The following TRAPPC9 variants were observed in gnomAD, a reference collection of about 807,000 sequenced individuals.
TRAPPC9 encodes IKK2 binding protein.
Under a neutral mutation model 124.0 loss-of-function variants are expected in TRAPPC9, and 83 were observed. The ratio of observed to expected loss-of-function variants is 0.67; its 90% CI spans 0.56 to 0.80. TRAPPC9 has a LOEUF of 0.80. TRAPPC9 is among the 30% of genes least tolerant of loss of function. The probability of loss-of-function intolerance (pLI) is 0.00; values close to 1 mark genes in which losing one functional copy is unlikely to be tolerated. For missense variants in TRAPPC9, 1,302 were observed against 1,508.3 expected, an observed-to-expected ratio of 0.86 and a Z score of 2.27; for synonymous variants, 638 against 617.5, an observed-to-expected ratio of 1.03 and a Z score of -0.49.
chr8:139,762,159 C>T (rs1820279419), intron 21 of TRAPPC9, among the ~76,000 whole-genome samples: 2 of 151,758 alleles, frequency 1.3e-5, no homozygotes, highest in South Asian at 4.2e-4. Flanking sequence ...AGAAGGCCAG[C>T]TTTCAGCAGC....
At chr8:140,338,029 TA>T (rs989797284) in intron 9 of TRAPPC9, among the ~76,000 whole-genome samples, 25 of 152,194 alleles carry the variant, frequency 1.6e-4, no homozygotes, top group African/African-American at 6.0e-4. Context: ...TATTTTATTT[TA>T]TACCAAGGAA....
rs775725387 is a variant in TRAPPC9 at position 140,360,075 on chromosome 8, G to C, written c.1470C>G (p.Thr490=). 6.2e-7 allele frequency: 1 copy of C among 1,614,206 alleles called. No homozygotes were observed. The highest frequency in any genetic ancestry group is 8.5e-7 in the Non-Finnish European group (1 of 1,180,044). The stretch of plus-strand genomic sequence containing the variant: ...CCTGATCCGACAAGAAGTCCAGCAT[G>C]GTCTGTAGAAGGAAGGACAGGTGTC... ...SVRHLSFLLQ[T]MLDFLSDQEK... Residue 490 remains threonine, a synonymous_variant, in exon 9 of 23, where the codon ACC becomes ACG. Transcript: ENST00000438773.
At chr8:140,134,756 A>G (rs1306902834) in intron 17 of TRAPPC9, among the ~76,000 whole-genome samples, 3 of 152,260 alleles carry the variant, frequency 2.0e-5, no homozygotes, top group African/African-American at 4.8e-5. Context: ...AGAAAAACAA[A>G]TAAATCTTCA....
Position 139,961,230 on chromosome 8 carries a change from C to T in TRAPPC9, c.2810+27496G>A. 1.6e-5 allele frequency among the ~76,000 whole-genome samples: 2 copies of T among 124,874 alleles called. 1 individual carries two copies. The allele number at this position is 124,874 out of a possible 152,430, so 81.9% of individuals were successfully genotyped here. A position where few individuals can be genotyped will look rare whatever the true frequency, so the allele number is the denominator to read the frequency against. ...TACACAGAGCAGGGATAGCTGTGAG[C>T]ACACAGGCTCTGGTTCAAGGGCCTT... On this transcript the variant is annotated intron_variant, in intron 19 of 22. Transcript: ENST00000438773.
At chr8:139,970,451 G>A (rs1297864757) in intron 19 of TRAPPC9, among the ~76,000 whole-genome samples, 1 of 152,190 alleles carries the variant, frequency 6.6e-6, no homozygotes, top group Non-Finnish European at 1.5e-5. Context: ...GGGTACAAGG[G>A]AAGGCAGGAG....
At chr8:140,231,873 T>C (rs1480439488) in intron 16 of TRAPPC9, among the ~76,000 whole-genome samples, 4 of 152,224 alleles carry the variant, frequency 2.6e-5, no homozygotes, top group Non-Finnish European at 5.9e-5. Context: ...CACAGAAAAG[T>C]CTTCCCAGCC....
intron 5 of TRAPPC9, among the ~76,000 whole-genome samples, chr8:140,424,640 CAAA>C (rs60819949): frequency 7.8e-5 from 5 of 64,256 alleles, no homozygotes; most frequent in Non-Finnish European, 1.3e-4. Context: ...AACCTGTCTC[CAAA>C]AAAAAAAAAA....
intron 21 of TRAPPC9, among the ~76,000 whole-genome samples, chr8:139,858,868 G>T (rs1827962804): frequency 6.6e-6 from 1 of 150,612 alleles, no homozygotes; most frequent in South Asian, 2.1e-4. Flanking sequence ...CTCTAAACCT[G>T]TCCCTTTAAA....
rs576072677 is a variant in TRAPPC9 at position 139,860,834 on chromosome 8, C to T, written c.3055+25045G>A. On this transcript the variant is annotated intron_variant, in intron 21 of 22. Coordinates refer to ENST00000438773, the MANE Select transcript of TRAPPC9 (RefSeq NM_001160372.4). The stretch of plus-strand genomic sequence containing the variant: ...CCAGTGGCAGATTCCTGCTGAGGGG[C>T]CTCCCAGCCCTGCACACCTCCAGGC... 1.0e-3 allele frequency among the ~76,000 whole-genome samples: 159 copies of T among 152,378 alleles called. 1 individual carries two copies. Among genetic ancestry groups the T allele is most frequent in the African/African-American group, 3.7e-3 (155 of 41,600 alleles).
chr8:140,272,116 A>AATG (rs1554657918), intron 15 of TRAPPC9, among the ~76,000 whole-genome samples: 7 of 120,118 alleles, frequency 5.8e-5, no homozygotes, highest in African/African-American at 2.6e-4. Context: ...TGGTGGTGGC[A>AATG]ATGGTGATGG....
intron 21 of TRAPPC9, among the ~76,000 whole-genome samples, chr8:139,810,322 G>A (rs891399485): frequency 3.9e-5 from 6 of 152,158 alleles, no homozygotes; most frequent in East Asian, 1.9e-4. Flanking sequence ...GAGCAGCCAC[G>A]GGGCATGGGC....
intron 17 of TRAPPC9, among the ~76,000 whole-genome samples, chr8:140,217,196 G>A (rs368546667): frequency 6.6e-6 from 1 of 152,232 alleles, no homozygotes; most frequent in Non-Finnish European, 1.5e-5. Context: ...TGCAGTCAGC[G>A]CTGCTAGGGG....
At chr8:139,798,237 T>C (rs1216580573) in intron 21 of TRAPPC9, among the ~76,000 whole-genome samples, 6 of 152,258 alleles carry the variant, frequency 3.9e-5, no homozygotes, top group Non-Finnish European at 8.8e-5. Context: ...ATGTTAAATG[T>C]ACTCTTTAGT....
chr8:140,141,467 T>C (rs2061381193), intron 17 of TRAPPC9, among the ~76,000 whole-genome samples: 1 of 152,126 alleles, frequency 6.6e-6, no homozygotes, highest in African/African-American at 2.4e-5. Context: ...TTCAGGCATC[T>C]GCTGGGGGTC....
chr8:140,324,833 G>T (rs2066696092), intron 9 of TRAPPC9, among the ~76,000 whole-genome samples: 1 of 151,970 alleles, frequency 6.6e-6, no homozygotes, highest in Non-Finnish European at 1.5e-5. Flanking sequence ...TGATAAGGAA[G>T]ATTTAAACAA....
chr8:139,955,375 A>G (rs2614739), intron 19 of TRAPPC9, among the ~76,000 whole-genome samples: 109,243 of 152,016 alleles, frequency 0.72, 40,227 homozygotes, highest in East Asian at 0.98. Flanking sequence ...AGCCGCACAC[A>G]CTGCAAAAAA....
chr8:139,937,693 G>A (rs1004359592), intron 19 of TRAPPC9, among the ~76,000 whole-genome samples: 12 of 152,292 alleles, frequency 7.9e-5, no homozygotes, highest in Admixed American at 2.0e-4. Context: ...CCTGGCAGAC[G>A]GCAGGGCAGT....
chr8:140,304,640 A>G (rs1451020851), intron 10 of TRAPPC9, among the ~76,000 whole-genome samples: 1 of 152,194 alleles, frequency 6.6e-6, no homozygotes, highest in African/African-American at 2.4e-5. Flanking sequence ...CAGGCCTGCC[A>G]CGGACCAGGT....
chr8:139,761,407 G>A (rs550154664), intron 21 of TRAPPC9, among the ~76,000 whole-genome samples: 29 of 152,268 alleles, frequency 1.9e-4, no homozygotes, highest in African/African-American at 5.8e-4. Context: ...CCTTTGTAGC[G>A]ACCAAGAAGG....
Sources: allele counts gnomAD v4.1 joint callset (sites outside exome capture counted in the v4.1 genomes callset), GRCh38; gene constraint gnomAD v4.1.1; transcripts MANE v1.5; gene names NCBI Gene and HGNC (gene_info 2026-07-23, HGNC 2026-07-21).